The following ZFHX4 variants were observed in gnomAD, a reference collection of about 807,000 sequenced individuals.
ZFHX4 encodes the protein zinc finger homeobox protein 4.
ZFHX4 carries 56 observed loss-of-function variants against 267.6 expected under a neutral mutation model. The observed-to-expected ratio is 0.21, with a 90% CI of 0.17 to 0.26. ZFHX4 has a LOEUF of 0.26. Ranked by LOEUF, ZFHX4 falls within the 10% of genes least tolerant of loss-of-function variation. The probability of loss-of-function intolerance (pLI) is 1.00; values close to 1 mark genes in which losing one functional copy is unlikely to be tolerated. For synonymous variants in ZFHX4, 1,778 were observed against 1,665.6 expected, an observed-to-expected ratio of 1.07 and a Z score of -1.64; for missense variants, 4,332 against 4,420.0, an observed-to-expected ratio of 0.98 and a Z score of 0.56.
chr8:76,836,538 G>A (rs539780270), intron 5 of ZFHX4, among the ~76,000 whole-genome samples: 2 of 152,028 alleles, frequency 1.3e-5, no homozygotes, highest in African/African-American at 2.4e-5. Context: ...GAAAATGTAC[G>A]TCAGAGTTTG....
intron 4 of ZFHX4, among the ~76,000 whole-genome samples, chr8:76,817,391 T>C (rs1163011509): frequency 6.6e-6 from 1 of 152,200 alleles, no homozygotes; most frequent in Non-Finnish European, 1.5e-5. Context: ...GTCCAAATTC[T>C]CATAGTTCAT....
intron 4 of ZFHX4, among the ~76,000 whole-genome samples, chr8:76,824,909 T>C (rs1237545675): frequency 1.3e-5 from 2 of 152,172 alleles, no homozygotes; most frequent in Admixed American, 1.3e-4. Flanking sequence ...TACAAATTGA[T>C]ACACATACTG....
rs549408624 is a variant in ZFHX4, at chr8:76,807,243, C to T, written c.3326-26095C>T. ...TTTTTCTGACAAGTTTAGAGCAAATCGAAAACACAAGTGGTATAGTGGTAT... is the reference window on the plus strand; with the variant it reads ...TTTTTCTGACAAGTTTAGAGCAAATTGAAAACACAAGTGGTATAGTGGTAT... On this transcript the variant is annotated intron_variant, in intron 4 of 10. Coordinates refer to ENST00000651372, the MANE Select transcript of ZFHX4 (RefSeq NM_024721.5). Among the ~76,000 whole-genome samples the T allele has an allele frequency of 2.6e-5, 4 of 151,888 alleles. 1 individual carries two copies. The highest frequency in any genetic ancestry group is 9.7e-5 in the African/African-American group (4 of 41,444).
rs1166145616 is a variant in ZFHX4 at position 76,710,995 on chromosome 8, T to C, written c.3093+2947T>C. On this transcript the variant is annotated intron_variant, in intron 3 of 10. Coordinates refer to ENST00000651372, the MANE Select transcript of ZFHX4 (RefSeq NM_024721.5). ...ATTAGATGTATGCTAGTAAAAAATA[T>C]TTATTTATTTAACCAGAACAACACC... 2.0e-5 allele frequency among the ~76,000 whole-genome samples: 3 copies of C among 152,126 alleles called. No homozygotes were observed. In the South Asian group the frequency reaches 6.2e-4, roughly 31 times the overall value.
At chr8:76,724,527 G>A (rs890182678) in intron 3 of ZFHX4, among the ~76,000 whole-genome samples, 1 of 152,024 alleles carries the variant, frequency 6.6e-6, no homozygotes, top group African/African-American at 2.4e-5. Flanking sequence ...AGGAAAAATG[G>A]CAAGCGTTTT....
intron 4 of ZFHX4, among the ~76,000 whole-genome samples, chr8:76,785,618 T>C (rs1398157872): frequency 6.6e-6 from 1 of 152,172 alleles, no homozygotes; most frequent in East Asian, 1.9e-4. Context: ...CACTGACAGT[T>C]ATAATTTACA....
intron 3 of ZFHX4, among the ~76,000 whole-genome samples, chr8:76,739,075 G>T (rs567748600): frequency 6.6e-6 from 1 of 152,170 alleles, no homozygotes; most frequent in Non-Finnish European, 1.5e-5. Context: ...CAGGAACCAT[G>T]ATTTAGGAAG....
intron 4 of ZFHX4, among the ~76,000 whole-genome samples, chr8:76,809,089 C>T (rs1043190356): frequency 1.3e-5 from 2 of 152,052 alleles, no homozygotes; most frequent in African/African-American, 4.8e-5. Context: ...ATATCATACC[C>T]GTATCACTCA....
chr8:76,696,901 G>A (rs1233783818), intron 1 of ZFHX4, among the ~76,000 whole-genome samples: 1 of 151,938 alleles, frequency 6.6e-6, no homozygotes, highest in Admixed American at 6.6e-5. Flanking sequence ...GCACTTGGTA[G>A]TGATTTAAAG....
At chr8:76,715,833 A>C (rs1808556326) in intron 3 of ZFHX4, among the ~76,000 whole-genome samples, 1 of 152,192 alleles carries the variant, frequency 6.6e-6, no homozygotes, top group African/African-American at 2.4e-5. Flanking sequence ...TGGAGATCAT[A>C]TTCTTTTGAT....
intron 4 of ZFHX4, among the ~76,000 whole-genome samples, chr8:76,788,285 A>G (rs564752539): frequency 6.6e-6 from 1 of 152,090 alleles, no homozygotes; most frequent in Non-Finnish European, 1.5e-5. Flanking sequence ...TTGCTTAACA[A>G]TCCTCAGTTA....
In ZFHX4 at chr8:76,706,558, T is replaced by C. The variant is rs1431345756; in HGVS notation, c.2470T>C (p.Tyr824His). 1.9e-6 allele frequency: 3 copies of C among 1,612,440 alleles called. No individual in the cohort carries two copies. The highest frequency in any genetic ancestry group is 2.5e-6 in the Non-Finnish European group (3 of 1,179,422). Residue 824 changes from tyrosine to histidine, a missense_variant, in exon 2 of 11, where the codon TAC (tyrosine) becomes CAC (histidine). Tyr to His is a moderately conservative substitution (Grantham distance 83). This residue lies in a region of ZFHX4 where 1,195 missense variants were observed against 1,173.6 expected (regional missense o/e 1.02). Coordinates refer to ENST00000651372, the MANE Select transcript of ZFHX4 (RefSeq NM_024721.5). ...APAEAELYQY[Y>H]LAQNIGLTGM... ...GGCGGAAGCAGAGCTTTATCAGTACTACCTAGCCCAGAACATAGGCCTGAC... is the reference window on the plus strand; with the variant it reads ...GGCGGAAGCAGAGCTTTATCAGTACCACCTAGCCCAGAACATAGGCCTGAC...
At chr8:76,691,423 A>G (rs1807820680) in intron 1 of ZFHX4, among the ~76,000 whole-genome samples, 3 of 152,106 alleles carry the variant, frequency 2.0e-5, no homozygotes, top group Admixed American at 1.3e-4. Context: ...CCGTGTAAGG[A>G]AAGGATATGA....
At position 76,704,611 on chromosome 8, in the gene ZFHX4, G is replaced by A. The variant is rs755561671; in HGVS notation, c.523G>A (p.Glu175Lys). ...CCTGGACTCCCTGGCATCTGCTGGA[G>A]AGAAGAGTGATCAGTCTGCTTCTGC... ...MFLDSLASAG[E>K]KSDQSASAPM... Residue 175 changes from glutamate (E) to lysine (K), a missense_variant, in exon 2 of 11, where the codon GAG becomes AAG. By Grantham distance (56) the Glu-to-Lys change is moderately conservative. This residue lies in a region of ZFHX4 where 1,195 missense variants were observed against 1,173.6 expected (regional missense o/e 1.02). Coordinates refer to ENST00000651372, the MANE Select transcript of ZFHX4 (RefSeq NM_024721.5). 6.2e-7 allele frequency: 1 copy of A among 1,614,014 alleles called. No individual in the cohort carries two copies. Among genetic ancestry groups the A allele is most frequent in the South Asian group, 1.1e-5 (1 of 91,078 alleles).
Position 76,863,112 on chromosome 8 carries a change from C to G in ZFHX4, c.9398C>G (p.Ala3133Gly), listed in dbSNP as rs1045277648. Reference protein sequence around the residue: ...QNSNTLTPPGAGMLGFPTSAT... With the variant: ...QNSNTLTPPGGGMLGFPTSAT... Reference sequence around the variant, plus strand: ...TTTTCAGCTTTAACACCTCCCGGTGCAGGCATGCTTGGGTTTCCTACTTCA... The same window carrying G: ...TTTTCAGCTTTAACACCTCCCGGTGGAGGCATGCTTGGGTTTCCTACTTCA... The change falls in exon 11 of 11, where the codon GCA becomes GGA. Residue 3133 changes from alanine (A) to glycine (G), a missense_variant. This residue lies in a region of ZFHX4 where 1,648 missense variants were observed against 1,625.0 expected (regional missense o/e 1.01). Transcript: ENST00000651372. The G allele has an allele frequency of 7.2e-6, 11 of 1,525,216 alleles. No individual in the cohort carries two copies. Among genetic ancestry groups the G allele is most frequent in the Non-Finnish European group, 9.7e-6 (11 of 1,135,206 alleles). The allele number at this position is 1,525,216 out of a possible 1,614,324, so 94.5% of individuals were successfully genotyped here. A position where few individuals can be genotyped will look rare whatever the true frequency, so the allele number is the denominator to read the frequency against.
chr8:76,858,212 G>A (rs1246414313), intron 10 of ZFHX4, among the ~76,000 whole-genome samples: 2 of 152,154 alleles, frequency 1.3e-5, no homozygotes, highest in African/African-American at 4.8e-5. Context: ...GAGAAAGGAG[G>A]AAAAGAGATG....
At chr8:76,862,967 A>G (rs1243666097) in intron 10 of ZFHX4, 127 bp from the exon 11 acceptor site, 3 of 1,319,492 alleles carry the variant, frequency 2.3e-6, no homozygotes, top group Non-Finnish European at 2.9e-6. Flanking sequence ...TGAATTTCCT[A>G]TTGTGTGTAA....
chr8:76,840,307 C>T (rs1259779276), intron 5 of ZFHX4, among the ~76,000 whole-genome samples: 3 of 152,096 alleles, frequency 2.0e-5, no homozygotes, highest in African/African-American at 7.2e-5. Flanking sequence ...CTGCTGTTTG[C>T]GATTAAGTTG....
chr8:76,859,158 A>G (rs1369603875), intron 10 of ZFHX4, among the ~76,000 whole-genome samples: 1 of 152,168 alleles, frequency 6.6e-6, no homozygotes, highest in Non-Finnish European at 1.5e-5. Flanking sequence ...CTGGTTGGAT[A>G]TCGGTTTTAA....
Sources: gnomAD v4.1 joint callset for allele counts (sites outside exome capture counted in the v4.1 genomes callset) on GRCh38, gnomAD v4.1.1 for gene constraint, gnomAD v4.1.1 regional missense constraint, MANE v1.5 for transcripts, NCBI Gene and HGNC (gene_info 2026-07-23, HGNC 2026-07-21) for gene names.